Variants in CSNK1G1 observed in about 807,000 individuals in gnomAD.
CSNK1G1 encodes the protein casein kinase I isoform gamma-1.
A neutral mutation model predicts 59.6 loss-of-function variants in CSNK1G1; 22 were observed. The ratio of observed to expected loss-of-function variants is 0.37; its 90% CI spans 0.26 to 0.53. CSNK1G1 has a LOEUF of 0.53. Ranked by LOEUF, CSNK1G1 falls within the 20% of genes least tolerant of loss-of-function variation. The pLI is 0.89. For synonymous variants in CSNK1G1, 179 were observed against 177.1 expected (o/e 1.01, Z -0.08); for missense variants, 384 against 519.5 (o/e 0.74, Z 2.54).
intron 4 of CSNK1G1, among the ~76,000 whole-genome samples, chr15:64,237,962 T>C (rs2082637861): frequency 6.6e-6 from 1 of 152,218 alleles, no homozygotes; most frequent in South Asian, 2.1e-4. Context: ...ACTAAGCTTC[T>C]CAGTTGTATA....
Position 64,300,424 on chromosome 15 carries a change from A to G in CSNK1G1, c.76T>C (p.Ser26Pro). 1 of 1,614,134 alleles carries G rather than the reference A, an allele frequency of 6.2e-7. No homozygotes were observed. The highest frequency in any genetic ancestry group is 8.5e-7 in the Non-Finnish European group (1 of 1,179,990). The change falls in exon 2 of 12, where the codon TCT (serine) becomes CCT (proline). Residue 26 changes from serine to proline, a missense_variant. Ser to Pro is a moderately conservative substitution (Grantham distance 74). Transcript: ENST00000303052. ...KPMAQRSAHC[S>P]RPSGSSSSSG... ...GACGATGAGGAGCCAGATGGTCGAG[A>G]GCAGTGTGCACTCCTTTGTGCCATG... is the stretch of plus-strand genomic sequence containing the variant.
intron 1 of CSNK1G1, among the ~76,000 whole-genome samples, chr15:64,317,886 G>C (rs1341250202): frequency 6.6e-6 from 1 of 152,092 alleles, no homozygotes; most frequent in Non-Finnish European, 1.5e-5. Flanking sequence ...GATTTTTCTT[G>C]AGTTTACCTG....
chr15:64,280,538 T>G (rs1894068617), intron 2 of CSNK1G1, among the ~76,000 whole-genome samples: 1 of 152,066 alleles, frequency 6.6e-6, no homozygotes, highest in Non-Finnish European at 1.5e-5. Context: ...TTTTTTGTAT[T>G]TTTAGTAGAG....
intron 1 of CSNK1G1, among the ~76,000 whole-genome samples, chr15:64,333,719 C>T (rs940350203): frequency 7.2e-5 from 11 of 152,096 alleles, no homozygotes; most frequent in African/African-American, 2.7e-4. Flanking sequence ...AGGATTCCTA[C>T]ATGCAAACGG....
At chr15:64,199,516 G>C (rs139464575) in intron 10 of CSNK1G1, among the ~76,000 whole-genome samples, 7 of 152,194 alleles carry the variant, frequency 4.6e-5, no homozygotes, top group African/African-American at 1.7e-4. Context: ...CCACAGCATT[G>C]GTTATAAATT....
Position 64,168,075 on chromosome 15 carries a change from G to C in CSNK1G1, c.*3856C>G, listed in dbSNP as rs1006903981. 7.9e-5 allele frequency: 12 copies of C among 152,514 alleles called. No homozygotes were observed. The highest frequency in any genetic ancestry group is 2.9e-4 in the African/African-American group (12 of 41,440). 9.4% of individuals were successfully genotyped at this position (152,514 alleles called of 1,614,324 possible). The stretch of plus-strand genomic sequence containing the variant: ...TTTAGGGGTGATGGTCACCTTTTCT[G>C]GCTGATGGACAGGGACTGTTTTCTA... On this transcript the variant is annotated 3_prime_UTR_variant, in exon 12 of 12. Transcript: ENST00000303052.
intron 4 of CSNK1G1, among the ~76,000 whole-genome samples, chr15:64,230,181 G>A (rs1295811250): frequency 1.3e-5 from 2 of 151,846 alleles, no homozygotes; most frequent in African/African-American, 2.4e-5. Context: ...GATTATAGGC[G>A]TGAGCCACCA....
At chr15:64,209,742 T>C (rs2082227226) in intron 6 of CSNK1G1, among the ~76,000 whole-genome samples, 1 of 150,088 alleles carries the variant, frequency 6.7e-6, no homozygotes, top group Non-Finnish European at 1.5e-5. Flanking sequence ...GAGAGTTGAG[T>C]GGAGGCCTCC....
chr15:64,319,108 C>T (rs1156816944), intron 1 of CSNK1G1, among the ~76,000 whole-genome samples: 2 of 152,076 alleles, frequency 1.3e-5, no homozygotes, highest in Non-Finnish European at 2.9e-5. Flanking sequence ...CTGCCTCAGC[C>T]TCCCAAAGTG....
intron 1 of CSNK1G1, among the ~76,000 whole-genome samples, chr15:64,302,364 G>C (rs914631073): frequency 3.3e-5 from 5 of 152,126 alleles, no homozygotes; most frequent in African/African-American, 1.2e-4. Context: ...GCCTCCCAAA[G>C]TGCTGGGATT....
At chr15:64,212,629 A>C (rs1490563851) in intron 6 of CSNK1G1, among the ~76,000 whole-genome samples, 1 of 152,232 alleles carries the variant, frequency 6.6e-6, no homozygotes, top group Non-Finnish European at 1.5e-5. Context: ...AGATCTCTCC[A>C]GCTCAGGTGA....
chr15:64,220,157 T>TG (rs1003885988), intron 4 of CSNK1G1, among the ~76,000 whole-genome samples: 1 of 151,396 alleles, frequency 6.6e-6, no homozygotes, highest in African/African-American at 2.4e-5. Flanking sequence ...TGCAGTGGCG[T>TG]GGTCTCAGCT....
At chr15:64,222,431 C>CAACA (rs1237338427) in intron 4 of CSNK1G1, among the ~76,000 whole-genome samples, 6 of 66,718 alleles carry the variant, frequency 9.0e-5, no homozygotes, top group East Asian at 3.5e-4. Flanking sequence ...ACAACAACAA[C>CAACA]ACCACCAAAA....
At chr15:64,306,685 T>A (rs1305930697) in intron 1 of CSNK1G1, among the ~76,000 whole-genome samples, 1 of 152,090 alleles carries the variant, frequency 6.6e-6, no homozygotes, top group Non-Finnish European at 1.5e-5. Flanking sequence ...CACCTAAACG[T>A]TTACAGCAGC....
At chr15:64,354,816 C>T (rs1364472613) in intron 1 of CSNK1G1, among the ~76,000 whole-genome samples, 1 of 152,214 alleles carries the variant, frequency 6.6e-6, no homozygotes, top group East Asian at 1.9e-4. Context: ...GGTTCCATGA[C>T]TTGCCCAAGG....
chr15:64,195,628 A>G (rs1009941648), intron 10 of CSNK1G1, among the ~76,000 whole-genome samples: 1 of 152,238 alleles, frequency 6.6e-6, no homozygotes, highest in African/African-American at 2.4e-5. Context: ...GGCAGGACTT[A>G]CTTCCTGATT....
intron 3 of CSNK1G1, among the ~76,000 whole-genome samples, chr15:64,258,713 G>A (rs1274742300): frequency 6.6e-6 from 1 of 151,900 alleles, no homozygotes; most frequent in Non-Finnish European, 1.5e-5. Flanking sequence ...TATTCACAAG[G>A]TTAGTACTAA....
At chr15:64,305,352 C>T (rs1482999703) in intron 1 of CSNK1G1, among the ~76,000 whole-genome samples, 1 of 151,992 alleles carries the variant, frequency 6.6e-6, no homozygotes, top group Non-Finnish European at 1.5e-5. Context: ...AACTATAGGA[C>T]AAATTAAAAG....
chr15:64,173,397 C>A (rs2081699269), intron 11 of CSNK1G1, among the ~76,000 whole-genome samples: 1 of 152,052 alleles, frequency 6.6e-6, no homozygotes, highest in Non-Finnish European at 1.5e-5. Flanking sequence ...TTAAGAGGGT[C>A]TTTGGAAAGA....
Sources: allele counts gnomAD v4.1 joint callset (sites outside exome capture counted in the v4.1 genomes callset), GRCh38; gene constraint gnomAD v4.1.1; transcripts MANE v1.5; gene names NCBI Gene and HGNC (gene_info 2026-07-23, HGNC 2026-07-21).